The following MRTFB variants were observed in gnomAD, a reference collection of about 807,000 sequenced individuals.
MRTFB encodes the protein myocardin-related transcription factor B.
MRTFB carries 29 observed loss-of-function variants against 104.2 expected under a neutral mutation model. The observed-to-expected ratio is 0.28, with a 90% CI of 0.21 to 0.38. The LOEUF is 0.38. MRTFB is among the 10% of genes least tolerant of loss of function. The pLI is 1.00. For missense variants in MRTFB, 1,270 were observed against 1,341.6 expected (o/e 0.95, Z 0.83); for synonymous variants, 535 against 519.5 (o/e 1.03, Z -0.41).
At chr16:14,035,742 A>G in the MRTFB span, among the ~76,000 whole-genome samples, 1 of 151,986 alleles carries the variant, frequency 6.6e-6, no homozygotes, top group African/African-American at 2.4e-5. Flanking sequence ...ATATAATTCC[A>G]TTTTGGGGGA....
Position 14,249,019 on chromosome 16 carries a change from G to C in MRTFB, c.2341G>C (p.Val781Leu), listed in dbSNP as rs1010988384. 2.5e-6 allele frequency: 4 copies of C among 1,614,120 alleles called. No homozygotes were observed. Among genetic ancestry groups the C allele is most frequent in the Admixed American group, 1.7e-5 (1 of 60,012 alleles). Residue 781 changes from valine (V) to leucine (L), a missense_variant, in exon 13 of 17, where the codon GTA (valine) becomes CTA (leucine). This residue lies in a region of MRTFB where 1,144 missense variants were observed against 1,131.5 expected (regional missense o/e 1.01). Coordinates refer to ENST00000571589, the MANE Select transcript of MRTFB (RefSeq NM_001308142.2). ...CTTGGCCTCAGGCTTGGCCCCAACTGTACCTCAGACACAAGACACGTTCCC... is the reference window on the plus strand; with the variant it reads ...CTTGGCCTCAGGCTTGGCCCCAACTCTACCTCAGACACAAGACACGTTCCC... ...AALASGLAPT[V>L]PQTQDTFPQH...
chr16:14,088,734 G>A (rs117698001), intron 2 of MRTFB, among the ~76,000 whole-genome samples: 216 of 152,272 alleles, frequency 1.4e-3, no homozygotes, highest in Non-Finnish European at 2.6e-3. Context: ...GACCTTCTGC[G>A]GGATGTTAAT....
chr16:14,100,824 A>T (rs1287352450), intron 2 of MRTFB, among the ~76,000 whole-genome samples: 1 of 152,180 alleles, frequency 6.6e-6, no homozygotes, highest in Non-Finnish European at 1.5e-5. Flanking sequence ...GAATTTGTCC[A>T]TTTCATCTAA....
intron 3 of MRTFB, among the ~76,000 whole-genome samples, chr16:14,190,757 G>A (rs2040143933): frequency 6.6e-6 from 1 of 152,202 alleles, no homozygotes; most frequent in African/African-American, 2.4e-5. Flanking sequence ...GTGTGGGCAG[G>A]ACAACTATCC....
At chr16:14,243,864 GT>G (rs56296807) in intron 10 of MRTFB, among the ~76,000 whole-genome samples, 62 of 124,562 alleles carry the variant, frequency 5.0e-4, no homozygotes, top group South Asian at 5.4e-4. Flanking sequence ...CCTGTTTTGG[GT>G]TTTTTTTTTT....
At chr16:14,054,012 T>C in the MRTFB span, among the ~76,000 whole-genome samples, 2 of 152,166 alleles carry the variant, frequency 1.3e-5, no homozygotes, top group Admixed American at 1.3e-4. Context: ...TCGTTTTCAG[T>C]CATTTGAGAA....
intron 13 of MRTFB, 102 bp downstream of exon 13, chr16:14,249,183 C>T: frequency 7.4e-7 from 1 of 1,347,368 alleles, no homozygotes; most frequent in African/African-American, 1.5e-5. Flanking sequence ...AGTTCCTGTT[C>T]ATTCTTTTCT....
At chr16:14,060,986 A>G in the MRTFB span, among the ~76,000 whole-genome samples, 12 of 152,154 alleles carry the variant, frequency 7.9e-5, no homozygotes, top group South Asian at 6.2e-4. Context: ...CTCTACTAAA[A>G]ATACAAAAAC....
intron 3 of MRTFB, among the ~76,000 whole-genome samples, chr16:14,192,579 A>C (rs2040234789): frequency 6.6e-6 from 1 of 152,188 alleles, no homozygotes; most frequent in African/African-American, 2.4e-5. Context: ...AGTTATGTTA[A>C]ACTTCTGTAA....
intron 2 of MRTFB, among the ~76,000 whole-genome samples, chr16:14,115,824 T>G (rs1035755792): frequency 5.9e-5 from 9 of 152,294 alleles, no homozygotes; most frequent in Middle Eastern, 3.4e-3. Flanking sequence ...CAGAGAACTG[T>G]AATAGGTGCA....
intron 10 of MRTFB, among the ~76,000 whole-genome samples, chr16:14,244,598 C>T (rs1401646279): frequency 6.6e-6 from 1 of 152,198 alleles, no homozygotes; most frequent in Non-Finnish European, 1.5e-5. Flanking sequence ...TATATCAATT[C>T]CACTGAAAAT....
intron 2 of MRTFB, among the ~76,000 whole-genome samples, chr16:14,101,713 T>G (rs2035711495): frequency 6.6e-6 from 1 of 151,958 alleles, no homozygotes; most frequent in Non-Finnish European, 1.5e-5. Context: ...TGAGGTGAGA[T>G]TATTATAAAG....
At chr16:14,202,556 T>G (rs1463195276) in intron 3 of MRTFB, among the ~76,000 whole-genome samples, 1 of 152,180 alleles carries the variant, frequency 6.6e-6, no homozygotes, top group Non-Finnish European at 1.5e-5. Context: ...TTTGTGAATC[T>G]TTGTGGAACT....
At chr16:14,042,535 G>T in the MRTFB span, among the ~76,000 whole-genome samples, 1 of 152,320 alleles carries the variant, frequency 6.6e-6, no homozygotes, top group South Asian at 2.1e-4. Flanking sequence ...GAACCATGGG[G>T]AAGTTATGGT....
chr16:14,161,574 G>GA (rs1270079116), intron 3 of MRTFB, among the ~76,000 whole-genome samples: 2 of 152,152 alleles, frequency 1.3e-5, no homozygotes, highest in East Asian at 3.9e-4. Flanking sequence ...ACCCATAAAA[G>GA]AAAAAACCTG....
chr16:14,089,207 G>C (rs1317488892), intron 2 of MRTFB, among the ~76,000 whole-genome samples: 1 of 152,008 alleles, frequency 6.6e-6, no homozygotes, highest in East Asian at 1.9e-4. Context: ...AGAACTCAAT[G>C]ATTTTTAGTA....
chr16:14,254,748 C>G (rs1456087867), intron 15 of MRTFB, among the ~76,000 whole-genome samples: 1 of 152,188 alleles, frequency 6.6e-6, no homozygotes. Flanking sequence ...TTCACAGTTG[C>G]CACAATTTAA....
In MRTFB at chr16:14,264,385, TGA is replaced by T. The variant is rs1019114227; in HGVS notation, c.*2942_*2943del. On this transcript the variant is annotated 3_prime_UTR_variant, in exon 17 of 17. Transcript: ENST00000571589. The stretch of plus-strand genomic sequence containing the variant: ...TATACCAAAATTTCTGTAAAGTCTT[TGA>T]AAGTCTAGGAGTAGGTGGTCATCTT... 2.3e-4 allele frequency: 35 copies of T among 152,304 alleles called. No individual in the cohort carries two copies. Among genetic ancestry groups the T allele is most frequent in the African/African-American group, 6.7e-4 (28 of 41,562 alleles). 9.4% of individuals were successfully genotyped at this position (152,304 alleles called of 1,614,324 possible).
intron 3 of MRTFB, among the ~76,000 whole-genome samples, chr16:14,154,134 A>G (rs1297632208): frequency 6.6e-6 from 1 of 152,198 alleles, no homozygotes; most frequent in African/African-American, 2.4e-5. Context: ...GGAGTTCAAG[A>G]TCAGCCTGGG....
Sources: allele counts gnomAD v4.1 joint callset (sites outside exome capture counted in the v4.1 genomes callset), GRCh38; gene constraint gnomAD v4.1.1; regional missense constraint gnomAD v4.1.1; transcripts MANE v1.5; gene names NCBI Gene and HGNC (gene_info 2026-07-23, HGNC 2026-07-21).